Variants in TBC1D5 observed in about 807,000 individuals in gnomAD.
TBC1D5 encodes TBC1 domain family, member 5.
TBC1D5 carries 75 observed loss-of-function variants against 100.3 expected under a neutral mutation model. The observed-to-expected ratio is 0.75, with a 90% CI of 0.62 to 0.91. TBC1D5 has a LOEUF of 0.91. Among genes scored for constraint, TBC1D5 ranks in the 40% least tolerant of loss-of-function variants. The pLI is 0.00. For synonymous variants in TBC1D5, 323 were observed against 325.6 expected, an observed-to-expected ratio of 0.99 and a Z score of 0.09; for missense variants, 910 against 942.4, an observed-to-expected ratio of 0.97 and a Z score of 0.45.
chr3:17,371,616 T>C (rs1475290766), intron 13 of TBC1D5, among the ~76,000 whole-genome samples: 3 of 152,122 alleles, frequency 2.0e-5, no homozygotes, highest in Non-Finnish European at 4.4e-5. Context: ...CAGGTGAAAG[T>C]GATAAGCACT....
chr3:17,473,074 C>A (rs957560492), intron 3 of TBC1D5, among the ~76,000 whole-genome samples: 1 of 152,114 alleles, frequency 6.6e-6, no homozygotes, highest in Admixed American at 6.5e-5. Context: ...CTAAAATGTA[C>A]AGAATATAAA....
intron 4 of TBC1D5, among the ~76,000 whole-genome samples, chr3:17,423,597 T>C (rs2094268732): frequency 6.6e-6 from 1 of 152,166 alleles, no homozygotes; most frequent in Non-Finnish European, 1.5e-5. Flanking sequence ...CATTTACAAA[T>C]GATTATTTTT....
intron 2 of TBC1D5, among the ~76,000 whole-genome samples, chr3:17,589,624 G>A (rs539338198): frequency 2.6e-5 from 4 of 152,260 alleles, no homozygotes; most frequent in South Asian, 2.1e-4. Context: ...AATAAATCTC[G>A]CTTTTTGTAA....
chr3:17,557,985 C>T (rs2096533180), intron 2 of TBC1D5, among the ~76,000 whole-genome samples: 1 of 152,142 alleles, frequency 6.6e-6, no homozygotes, highest in Non-Finnish European at 1.5e-5. Context: ...CAAAACCTAT[C>T]TCTTGTGGAT....
chr3:17,552,680 TA>T (rs2153452861), intron 2 of TBC1D5, among the ~76,000 whole-genome samples: 1 of 152,198 alleles, frequency 6.6e-6, no homozygotes, highest in South Asian at 2.1e-4. Flanking sequence ...ATAGCTATGA[TA>T]AAAATTTCAA....
At chr3:17,217,307 G>A (rs554625222) in intron 17 of TBC1D5, among the ~76,000 whole-genome samples, 63 of 152,036 alleles carry the variant, frequency 4.1e-4, no homozygotes, top group Non-Finnish European at 7.1e-4. Context: ...ACACATTTTT[G>A]GCTATTATGA....
intron 15 of TBC1D5, among the ~76,000 whole-genome samples, chr3:17,288,233 T>C (rs539845473): frequency 6.6e-6 from 1 of 152,326 alleles, no homozygotes; most frequent in South Asian, 2.1e-4. Flanking sequence ...CCCCGTCCAC[T>C]TGTGGATTTC....
At position 17,399,838 on chromosome 3, in the gene TBC1D5, T is replaced by C. The variant is rs575354424; in HGVS notation, c.509+3343A>G. 5.9e-5 allele frequency among the ~76,000 whole-genome samples: 9 copies of C among 152,226 alleles called. 1 individual carries two copies. In the South Asian group the frequency reaches 1.7e-3, roughly 28 times the overall value. On this transcript the variant is annotated intron_variant, in intron 8 of 21. Transcript: ENST00000253692. ...CTCATTTTCATTGAGAAACTAACCT[T>C]GCCCTAGCTACTCCCTCTGTCTACA...
At chr3:17,602,712 A>C (rs1381897425) in intron 2 of TBC1D5, among the ~76,000 whole-genome samples, 1 of 151,626 alleles carries the variant, frequency 6.6e-6, no homozygotes, top group African/African-American at 2.4e-5. Context: ...AGCCGAGACT[A>C]CAGGCGCCCG....
chr3:17,698,866 T>C (rs903813319), intron 1 of TBC1D5, among the ~76,000 whole-genome samples: 7 of 136,868 alleles, frequency 5.1e-5, no homozygotes, highest in Non-Finnish European at 7.9e-5. Context: ...CCAGTTAGAA[T>C]GGCAATCATT....
chr3:17,172,467 A>G (rs1400992616), intron 19 of TBC1D5, among the ~76,000 whole-genome samples: 10 of 152,244 alleles, frequency 6.6e-5, no homozygotes, highest in African/African-American at 2.4e-4. Context: ...AATTCTCCTC[A>G]TAGCCAAAGG....
At chr3:17,513,366 G>A (rs1439555969) in intron 2 of TBC1D5, among the ~76,000 whole-genome samples, 1 of 151,874 alleles carries the variant, frequency 6.6e-6, no homozygotes, top group East Asian at 1.9e-4. Flanking sequence ...AATATGAGCA[G>A]TATCTAAGTG....
chr3:17,738,860 G>C (rs2077172149), intron 1 of TBC1D5, among the ~76,000 whole-genome samples: 1 of 152,152 alleles, frequency 6.6e-6, no homozygotes, highest in Non-Finnish European at 1.5e-5. Context: ...TTTATATAAT[G>C]TTTAATGTTA....
chr3:17,361,901 CAGAA>C lies in TBC1D5; in HGVS notation c.995+10170_995+10173del, dbSNP rs544338068. 1.5e-3 allele frequency among the ~76,000 whole-genome samples: 222 copies of C among 151,886 alleles called. 1 individual carries two copies. The highest frequency in any genetic ancestry group is 4.7e-3 in the African/African-American group (193 of 41,486). ...GAGCTGCAACTAATGACACTAAAAA[CAGAA>C]AGAAAGAAAAAGAGAAAGGGAGATA... On this transcript the variant is annotated intron_variant, in intron 13 of 21. Coordinates refer to ENST00000253692, the Ensembl canonical transcript of TBC1D5.
intron 2 of TBC1D5, among the ~76,000 whole-genome samples, chr3:17,583,177 T>C (rs1392784913): frequency 5.9e-5 from 9 of 151,888 alleles, no homozygotes; most frequent in Admixed American, 5.9e-4. Context: ...CCCAGCTATT[T>C]GAGACGCTGA....
At chr3:17,584,943 A>AATAATTTATTTTTATG (rs1183649996) in intron 2 of TBC1D5, among the ~76,000 whole-genome samples, 1 of 152,198 alleles carries the variant, frequency 6.6e-6, no homozygotes, top group Non-Finnish European at 1.5e-5. Flanking sequence ...GGCGTGAGCC[A>AATAATTTATTTTTATG]CTGTGCCCAG....
intron 1 of TBC1D5, among the ~76,000 whole-genome samples, chr3:17,703,184 T>C (rs1396730043): frequency 6.6e-6 from 1 of 151,962 alleles, no homozygotes; most frequent in African/African-American, 2.4e-5. Flanking sequence ...CATTCTGATA[T>C]AAAGAAAAAG....
At chr3:17,259,441 T>G (rs2078061029) in intron 15 of TBC1D5, among the ~76,000 whole-genome samples, 1 of 152,192 alleles carries the variant, frequency 6.6e-6, no homozygotes, top group African/African-American at 2.4e-5. Context: ...CAGCATAATT[T>G]AAATGAATAC....
chr3:17,436,154 G>A lies in TBC1D5; in HGVS notation c.98-7635C>T, dbSNP rs146664393. Among the ~76,000 whole-genome samples, 720 of 152,192 alleles carry A rather than the reference G, an allele frequency of 4.7e-3. 4 individuals are homozygous for A. Among genetic ancestry groups the A allele is most frequent in the African/African-American group, 0.016 (679 of 41,536 alleles). On this transcript the variant is annotated intron_variant, in intron 3 of 21. Transcript: ENST00000253692. ...CAGTTTAATGAAATCAGGAACTAGA[G>A]GCATTAAAGTATCATAATTAAAAGC...
Sources: allele counts gnomAD v4.1 joint callset (sites outside exome capture counted in the v4.1 genomes callset), GRCh38; gene constraint gnomAD v4.1.1; transcripts MANE v1.5; gene names NCBI Gene and HGNC (gene_info 2026-07-23, HGNC 2026-07-21).